The following RBMS3 variants were observed in gnomAD, a reference collection of about 807,000 sequenced individuals.
RBMS3 encodes RNA binding motif single stranded interacting protein 3.
In RBMS3, 27 loss-of-function variants were observed where a neutral mutation model predicts 66.8. That is an observed-to-expected ratio of 0.40 (90% CI 0.30 to 0.56). RBMS3 has a LOEUF of 0.56. RBMS3 is among the 20% of genes least tolerant of loss of function. The pLI, the probability that RBMS3 is intolerant of heterozygous loss-of-function variation, is 0.40. For missense variants in RBMS3, 513 were observed against 549.5 expected (o/e 0.93, Z 0.66); for synonymous variants, 188 against 183.0 (o/e 1.03, Z -0.22).
intron 4 of RBMS3, among the ~76,000 whole-genome samples, chr3:29,671,382 C>T (rs9844079): frequency 0.098 from 14,964 of 152,182 alleles, 1,436 homozygotes; most frequent in African/African-American, 0.25. Context: ...CTCCTCCAAA[C>T]GAACACAGCT....
chr3:29,916,887 T>C (rs564145135), intron 10 of RBMS3, among the ~76,000 whole-genome samples: 38 of 152,206 alleles, frequency 2.5e-4, no homozygotes, highest in African/African-American at 8.9e-4. Flanking sequence ...AATTAATTCC[T>C]GAAATGTTTT....
chr3:29,678,627 A>G (rs1339087950), intron 4 of RBMS3, among the ~76,000 whole-genome samples: 2 of 152,150 alleles, frequency 1.3e-5, no homozygotes, highest in Admixed American at 1.3e-4. Context: ...TTGATGCCAT[A>G]ATTTCCATAT....
chr3:29,880,497 CA>C (rs1409198898), intron 7 of RBMS3, among the ~76,000 whole-genome samples: 3 of 152,018 alleles, frequency 2.0e-5, no homozygotes, highest in Admixed American at 2.0e-4. Context: ...AAAGGTAGCT[CA>C]ACAGAGCAGC....
At chr3:29,478,035 C>T (rs2043010237) in intron 2 of RBMS3, among the ~76,000 whole-genome samples, 1 of 152,132 alleles carries the variant, frequency 6.6e-6, no homozygotes, top group African/African-American at 2.4e-5. Flanking sequence ...TCCCAAAGTG[C>T]TGGGATTACA....
chr3:29,429,303 T>C lies in RBMS3; in HGVS notation c.76-5440T>C, dbSNP rs146464632. On this transcript the variant is annotated intron_variant, in intron 1 of 14. Coordinates refer to ENST00000383767, the MANE Select transcript of RBMS3 (RefSeq NM_001003793.3). ...TACCTATAATTATTAGGATTACTAT[T>C]TTAGGAATAGCATGTTTCACAATGG... Among the ~76,000 whole-genome samples the C allele has an allele frequency of 2.2e-3, 330 of 152,304 alleles. 2 individuals are homozygous for C. Among genetic ancestry groups the C allele is most frequent in the African/African-American group, 7.7e-3 (320 of 41,562 alleles).
intron 4 of RBMS3, among the ~76,000 whole-genome samples, chr3:29,655,064 ACT>A (rs1559541160): frequency 6.6e-6 from 1 of 151,962 alleles, no homozygotes; most frequent in Non-Finnish European, 1.5e-5. Flanking sequence ...TCTTCCCCTT[ACT>A]CTTTCTTCCT....
intron 2 of RBMS3, among the ~76,000 whole-genome samples, chr3:29,484,581 G>A (rs2043253706): frequency 6.6e-6 from 1 of 152,008 alleles, no homozygotes; most frequent in African/African-American, 2.4e-5. Flanking sequence ...AATTTTGAGG[G>A]GACAAAATTC....
At chr3:29,805,518 T>C (rs1450610863) in intron 6 of RBMS3, among the ~76,000 whole-genome samples, 1 of 152,022 alleles carries the variant, frequency 6.6e-6, no homozygotes, top group East Asian at 1.9e-4. Context: ...TTACTGGCCC[T>C]GAAGATCTTC....
At chr3:29,988,543 A>T (rs1326159127) in intron 13 of RBMS3, among the ~76,000 whole-genome samples, 2 of 152,216 alleles carry the variant, frequency 1.3e-5, no homozygotes, top group African/African-American at 2.4e-5. Flanking sequence ...GTTTGCAACT[A>T]TGTGAATGAA....
At chr3:29,398,114 T>A (rs982844245) in intron 1 of RBMS3, among the ~76,000 whole-genome samples, 1 of 152,190 alleles carries the variant, frequency 6.6e-6, no homozygotes, top group African/African-American at 2.4e-5. Flanking sequence ...AGTGGCTATA[T>A]GAGCATCATA....
chr3:29,766,554 T>C (rs1022215583), intron 6 of RBMS3: 3 of 152,002 alleles, frequency 2.0e-5, no homozygotes, highest in Non-Finnish European at 2.9e-5. Flanking sequence ...AAGAGAACTT[T>C]ACAGATATCT....
chr3:29,752,059 A>C (rs2149367106), intron 5 of RBMS3, among the ~76,000 whole-genome samples: 1 of 152,314 alleles, frequency 6.6e-6, no homozygotes, highest in African/African-American at 2.4e-5. Context: ...CTTGTCTGGC[A>C]TCCAGGAGGA....
chr3:29,648,447 A>G (rs534741184), intron 4 of RBMS3, among the ~76,000 whole-genome samples: 48 of 151,062 alleles, frequency 3.2e-4, no homozygotes, highest in Non-Finnish European at 5.6e-4. Flanking sequence ...TAAGTTTTGT[A>G]TTTTTTGTAG....
chr3:29,911,174 G>A (rs1359259160), intron 10 of RBMS3, among the ~76,000 whole-genome samples: 1 of 152,026 alleles, frequency 6.6e-6, no homozygotes, highest in East Asian at 1.9e-4. Context: ...AAACTAAAAG[G>A]AGTTTTTTAG....
At chr3:29,296,220 A>G (rs1174703007) in intron 1 of RBMS3, among the ~76,000 whole-genome samples, 1 of 151,864 alleles carries the variant, frequency 6.6e-6, no homozygotes, top group Non-Finnish European at 1.5e-5. Context: ...TATACAAAGT[A>G]AAAAGGGCAG....
intron 6 of RBMS3, among the ~76,000 whole-genome samples, chr3:29,794,329 G>A (rs2057108563): frequency 6.6e-6 from 1 of 152,184 alleles, no homozygotes; most frequent in South Asian, 2.1e-4. Context: ...GCTCACGCCT[G>A]TAATCCCAGC....
chr3:29,623,893 G>T (rs1003318334), intron 4 of RBMS3, among the ~76,000 whole-genome samples: 8 of 152,090 alleles, frequency 5.3e-5, no homozygotes, highest in African/African-American at 1.4e-4. Context: ...GGAAGCAAAA[G>T]AATTTTTAAA....
chr3:29,741,480 C>T (rs541131374), intron 5 of RBMS3, among the ~76,000 whole-genome samples: 3 of 152,338 alleles, frequency 2.0e-5, no homozygotes, highest in African/African-American at 7.2e-5. Flanking sequence ...TTTTACTTTA[C>T]ATACCATACA....
At chr3:29,343,705 C>G (rs1205787061) in intron 1 of RBMS3, among the ~76,000 whole-genome samples, 1 of 152,120 alleles carries the variant, frequency 6.6e-6, no homozygotes, top group African/African-American at 2.4e-5. Flanking sequence ...ACCTCATTGT[C>G]CACTAGAAAA....
Sources: allele counts gnomAD v4.1 joint callset (sites outside exome capture counted in the v4.1 genomes callset), GRCh38; gene constraint gnomAD v4.1.1; transcripts MANE v1.5; gene names NCBI Gene and HGNC (gene_info 2026-07-23, HGNC 2026-07-21).